OR3A2: variants seen among roughly 807,000 people sequenced by gnomAD.
OR3A2 encodes olfactory receptor 3A2.
For synonymous variants in OR3A2, 126 were observed against 159.3 expected (o/e 0.79, Z 1.57); for missense variants, 318 against 392.8 (o/e 0.81, Z 1.61).
At chr17:3,348,092 G>C (rs1411409084) in intron 2 of OR3A2, among the ~76,000 whole-genome samples, 1 of 151,934 alleles carries the variant, frequency 6.6e-6, no homozygotes, top group Admixed American at 6.6e-5. Flanking sequence ...TGATGGGGTT[G>C]TTTGTTTTTT....
chr17:3,372,201 G>A (rs1050401999), intron 2 of OR3A2, among the ~76,000 whole-genome samples: 33 of 150,330 alleles, frequency 2.2e-4, no homozygotes, highest in Non-Finnish European at 4.9e-4. Flanking sequence ...GCGGGGCAGA[G>A]GCGCTCCCCA....
Position 3,292,558 on chromosome 17 carries a change from C to T in OR3A2, c.-84-13405G>A, listed in dbSNP as rs147660844. 1.3e-5 allele frequency: 21 copies of T among 1,610,548 alleles called. No homozygotes were observed. In the African/African-American group the frequency reaches 2.7e-4, roughly 21 times the overall value. On this transcript the variant is annotated intron_variant, in intron 3 of 4. Transcript: ENST00000573491. The stretch of plus-strand genomic sequence containing the variant: ...AGGATGAACTCAGCAATGACTGTTC[C>T]ATTGGCCCCAGATTCTGGCTGCATG...
intron 3 of OR3A2, among the ~76,000 whole-genome samples, chr17:3,300,966 T>A (rs1435862332): frequency 1.3e-5 from 2 of 152,130 alleles, no homozygotes; most frequent in African/African-American, 2.4e-5. Flanking sequence ...CTTGTGATAG[T>A]TTGCTGAGAA....
At chr17:3,283,640 G>A (rs1406643287) in intron 1 of OR3A2, among the ~76,000 whole-genome samples, 2 of 152,224 alleles carry the variant, frequency 1.3e-5, no homozygotes, top group African/African-American at 4.8e-5. Context: ...ATGGCTTAGT[G>A]TGCTTTAGGG....
chr17:3,366,091 TGGAA>T lies in OR3A2; in HGVS notation c.-179+17709_-179+17712del, dbSNP rs548705527. On this transcript the variant is annotated intron_variant, in intron 2 of 4. Coordinates refer to the OR3A2 transcript ENST00000573491. Reference sequence around the variant, plus strand: ...GGACTAGTTAGCGGAAAACGTCTGATGGAAGGATTATTCAACCATCTCTTCAAGT... The same window carrying T: ...GGACTAGTTAGCGGAAAACGTCTGATGGATTATTCAACCATCTCTTCAAGT... 1.4e-4 allele frequency among the ~76,000 whole-genome samples: 21 copies of T among 152,316 alleles called. No homozygotes were observed. The East Asian group carries it at 4.0e-3, about 29-fold the overall frequency.
chr17:3,357,853 A>G (rs77706870), intron 2 of OR3A2, among the ~76,000 whole-genome samples: 1 of 130,364 alleles, frequency 7.7e-6, no homozygotes, highest in South Asian at 2.7e-4. Flanking sequence ...CACTGCTGGG[A>G]AAAATGGTGT....
rs61124691 is a variant in OR3A2 at position 3,325,203 on chromosome 17, ATTTT to A, written c.-85+10826_-85+10829del. ...CAGCTTGTGTTCAAAGATCCTTCCA[ATTTT>A]TTTTTTTTTTTTTTTTTTTGAGACA... On this transcript the variant is annotated intron_variant, in intron 3 of 4. Transcript: ENST00000573491. 1.4e-3 allele frequency among the ~76,000 whole-genome samples: 149 copies of A among 108,556 alleles called. 1 individual carries two copies. Among genetic ancestry groups the A allele is most frequent in the African/African-American group, 4.9e-3 (135 of 27,508 alleles). 71.2% of individuals were successfully genotyped at this position (108,556 alleles called of 152,430 possible). A position where few individuals can be genotyped will look rare whatever the true frequency, so the allele number is the denominator to read the frequency against.
intron 3 of OR3A2, among the ~76,000 whole-genome samples, chr17:3,332,133 A>C (rs1191908399): frequency 1.3e-5 from 2 of 152,132 alleles, no homozygotes; most frequent in Admixed American, 1.3e-4. Flanking sequence ...TCAGACAGGG[A>C]CATTTAAGTC....
intron 2 of OR3A2, among the ~76,000 whole-genome samples, chr17:3,362,701 C>G (rs1048912112): frequency 1.3e-5 from 2 of 151,506 alleles, no homozygotes; most frequent in Non-Finnish European, 2.9e-5. Context: ...GGAGCAGATC[C>G]AACCCCACAT....
intron 3 of OR3A2, among the ~76,000 whole-genome samples, chr17:3,312,488 A>T (rs992639997): frequency 6.6e-6 from 1 of 152,130 alleles, no homozygotes; most frequent in Non-Finnish European, 1.5e-5. Flanking sequence ...CCCCTTTCTG[A>T]CTACTTATTA....
At chr17:3,348,891 A>G (rs1233654455) in intron 2 of OR3A2, among the ~76,000 whole-genome samples, 1 of 152,108 alleles carries the variant, frequency 6.6e-6, no homozygotes, top group Non-Finnish European at 1.5e-5. Flanking sequence ...ATTCTTAAGG[A>G]AAAGAATTTT....
chr17:3,281,401 T>G (rs2048776024), intron 1 of OR3A2, among the ~76,000 whole-genome samples: 1 of 151,848 alleles, frequency 6.6e-6, no homozygotes, highest in South Asian at 2.1e-4. Context: ...GCCCAGCTAA[T>G]TTTTTTGTAT....
chr17:3,325,570 C>A (rs1480352819), intron 3 of OR3A2, among the ~76,000 whole-genome samples: 1 of 151,990 alleles, frequency 6.6e-6, no homozygotes, highest in African/African-American at 2.4e-5. Context: ...GATATATATA[C>A]ACACACTTGT....
At chr17:3,305,445 T>C (rs1021809455) in intron 3 of OR3A2, among the ~76,000 whole-genome samples, 10 of 152,174 alleles carry the variant, frequency 6.6e-5, no homozygotes, top group African/African-American at 2.4e-4. Flanking sequence ...ACTTTTGTCA[T>C]GAGGTAACAA....
intron 2 of OR3A2, among the ~76,000 whole-genome samples, chr17:3,353,550 A>G (rs2049438459): frequency 6.6e-6 from 1 of 151,788 alleles, no homozygotes; most frequent in African/African-American, 2.4e-5. Context: ...TTCTATATCC[A>G]GGTTTTTGAG....
intron 3 of OR3A2, among the ~76,000 whole-genome samples, chr17:3,319,329 G>T (rs60780341): frequency 0.015 from 2,326 of 151,712 alleles, 64 homozygotes; most frequent in African/African-American, 0.052. Context: ...CTCTCTTGCT[G>T]CTGCTGCTTT....
At chr17:3,330,462 T>C (rs550883631) in intron 3 of OR3A2, among the ~76,000 whole-genome samples, 1 of 152,180 alleles carries the variant, frequency 6.6e-6, no homozygotes, top group African/African-American at 2.4e-5. Flanking sequence ...TTTACCATTA[T>C]GTAATGGCCT....
chr17:3,319,378 T>A lies in OR3A2; in HGVS notation c.-85+16655A>T, dbSNP rs145664857. 5.6e-3 allele frequency among the ~76,000 whole-genome samples: 856 copies of A among 152,238 alleles called. 4 individuals are homozygous for A. Among genetic ancestry groups the A allele is most frequent in the African/African-American group, 0.019 (785 of 41,546 alleles). On this transcript the variant is annotated intron_variant, in intron 3 of 4. Transcript: ENST00000573491. ...TATTTTTATTTTTTATTCATTTTTT[T>A]AAATTTTATTATTATACTTTAAGTT...
At chr17:3,342,039 C>T (rs989055194) in intron 2 of OR3A2, among the ~76,000 whole-genome samples, 4 of 152,190 alleles carry the variant, frequency 2.6e-5, no homozygotes, top group Non-Finnish European at 4.4e-5. Flanking sequence ...AATACTCTTT[C>T]TTCCACTTGA....
Sources: allele counts gnomAD v4.1 joint callset (sites outside exome capture counted in the v4.1 genomes callset), GRCh38; gene constraint gnomAD v4.1.1; transcripts MANE v1.5; gene names NCBI Gene and HGNC (gene_info 2026-07-23, HGNC 2026-07-21).